PRIM1: variants seen among roughly 807,000 people sequenced by gnomAD.
PRIM1 encodes DNA primase subunit 1, also known as DNA primase small subunit.
A neutral mutation model predicts 60.2 loss-of-function variants in PRIM1; 38 were observed. That is an observed-to-expected ratio of 0.63 (90% CI 0.49 to 0.83). The LOEUF (loss-of-function observed/expected upper bound fraction) is 0.83. Among genes scored for constraint, PRIM1 ranks in the 40% least tolerant of loss-of-function variants. The pLI is 0.00. For synonymous variants in PRIM1, 158 were observed against 160.2 expected (o/e 0.99, Z 0.10); for missense variants, 388 against 506.2 (o/e 0.77, Z 2.24).
chr12:56,750,841 A>T (rs1018692050), intron 2 of PRIM1, among the ~76,000 whole-genome samples, 197 bp downstream of exon 2: 2 of 152,138 alleles, frequency 1.3e-5, no homozygotes, highest in African/African-American at 4.8e-5. Flanking sequence ...AAATGCAACC[A>T]ATTCACTCCC....
chr12:56,742,429 C>A (rs1404243254), intron 7 of PRIM1, among the ~76,000 whole-genome samples: 1 of 151,940 alleles, frequency 6.6e-6, no homozygotes, highest in Non-Finnish European at 1.5e-5. Flanking sequence ...ATTAGCTGGG[C>A]GTGGTGGCGT....
intron 8 of PRIM1, 36 bp downstream of exon 8, chr12:56,741,710 T>G: frequency 2.5e-6 from 4 of 1,593,812 alleles, no homozygotes; most frequent in Non-Finnish European, 3.4e-6. Context: ...AGAATTGCAT[T>G]ATTATATCTG....
chr12:56,751,966 GTTTTTTT>G (rs66861394), intron 1 of PRIM1, among the ~76,000 whole-genome samples: 1 of 79,348 alleles, frequency 1.3e-5, no homozygotes, highest in Non-Finnish European at 2.4e-5. Context: ...CGGCGGCTCT[GTTTTTTT>G]TTTTTTTTTT....
intron 1 of PRIM1, 55 bp from the exon 2 acceptor site, chr12:56,751,250 CATT>C (rs1953954135): frequency 2.3e-6 from 3 of 1,287,934 alleles, no homozygotes; most frequent in Non-Finnish European, 3.1e-6. Context: ...TGGCTCAGGG[CATT>C]ATAATTTTAG....
At position 56,736,133 on chromosome 12, in the gene PRIM1, A is replaced by G. The variant is rs558889600; in HGVS notation, c.1145-1888T>C. On this transcript the variant is annotated intron_variant, in intron 11 of 12. Coordinates refer to ENST00000338193, the MANE Select transcript of PRIM1 (RefSeq NM_000946.3). ...ACCAACATGGAGAAACCCTGTCTCT[A>G]GTAAAAATACAAAAATTAGCTGGAC... is the stretch of plus-strand genomic sequence containing the variant. Among the ~76,000 whole-genome samples the G allele has an allele frequency of 1.8e-3, 268 of 151,002 alleles. 1 individual carries two copies. The highest frequency in any genetic ancestry group is 6.2e-3 in the African/African-American group (256 of 41,240).
At chr12:56,733,227 A>G (rs2035082) in intron 12 of PRIM1, among the ~76,000 whole-genome samples, 91,843 of 145,136 alleles carry the variant, frequency 0.63, 28,821 homozygotes, top group South Asian at 0.75. Flanking sequence ...GCACAATTTC[A>G]GCTCACTGCA....
intron 2 of PRIM1, among the ~76,000 whole-genome samples, chr12:56,750,782 G>A (rs909479554): frequency 3.3e-5 from 5 of 151,828 alleles, no homozygotes; most frequent in African/African-American, 1.2e-4. Flanking sequence ...AAATCATGTC[G>A]ACTTCCTCTT....
chr12:56,732,004 G>A (rs949888402), intron 12 of PRIM1, among the ~76,000 whole-genome samples: 6 of 152,188 alleles, frequency 3.9e-5, no homozygotes, highest in African/African-American at 1.4e-4. Context: ...ACATATGAGT[G>A]TCTACTGAGT....
Position 56,746,034 on chromosome 12 carries a change from G to C in PRIM1, c.579+11C>G. On this transcript the variant is annotated intron_variant, in intron 5 of 12. Coordinates refer to ENST00000338193, the MANE Select transcript of PRIM1 (RefSeq NM_000946.3). ...CTAAAGCAATGCAAATTAGAATTAA[G>C]AGGATCTTACCTTTACAAGGCTCAA... 2 of 1,590,624 alleles carry C rather than the reference G, an allele frequency of 1.3e-6. No individual in the cohort carries two copies. The highest frequency in any genetic ancestry group is 1.7e-6 in the Non-Finnish European group (2 of 1,172,596).
At chr12:56,736,470 C>T (rs1156594957) in intron 11 of PRIM1, among the ~76,000 whole-genome samples, 1 of 151,246 alleles carries the variant, frequency 6.6e-6, no homozygotes, top group Non-Finnish European at 1.5e-5. Context: ...TAAGAATCCT[C>T]ATAATAGTTC....
chr12:56,751,158 G>A lies in PRIM1; in HGVS notation c.141C>T (p.Phe47=), dbSNP rs545286162. The part of the protein sequence containing the change: ...KNYFQHREFS[F]TLKDDIYIRY... ...GAATGTAAATATCATCTTTCAATGT[G>A]AATGAAAATTCACGGTGTTGAAAGT... Residue 47 remains phenylalanine, a synonymous_variant, in exon 2 of 13, where the codon TTC becomes TTT. Transcript: ENST00000338193. 71 of 1,562,610 alleles carry A rather than the reference G, an allele frequency of 4.5e-5. 1 individual carries two copies. The highest frequency in any genetic ancestry group is 5.6e-5 in the Non-Finnish European group (65 of 1,152,730).
chr12:56,743,173 G>T, intron 6 of PRIM1, 77 bp from the exon 7 acceptor site: 1 of 1,387,068 alleles, frequency 7.2e-7, no homozygotes, highest in Non-Finnish European at 9.3e-7. Flanking sequence ...CTGCCATTGT[G>T]GGGAAAACTA....
At chr12:56,747,271 G>A (rs540179996) in intron 2 of PRIM1, among the ~76,000 whole-genome samples, 2 of 152,276 alleles carry the variant, frequency 1.3e-5, no homozygotes, top group African/African-American at 4.8e-5. Context: ...ATGTTTGTTG[G>A]TCAATAAGGA....
At chr12:56,750,176 C>T (rs1287484177) in intron 2 of PRIM1, among the ~76,000 whole-genome samples, 1 of 152,190 alleles carries the variant, frequency 6.6e-6, no homozygotes, top group Non-Finnish European at 1.5e-5. Flanking sequence ...ATGTTTTCAG[C>T]AGAGGAATCA....
rs2137867532 is a variant in PRIM1 at position 56,747,105 on chromosome 12, A to G, written c.262-73T>C. Reference sequence around the variant, plus strand: ...CTAAATCTGCTTATTTTCTACACATATGGAAAAAGTTGCCAAACAGAAATA... The same window carrying G: ...CTAAATCTGCTTATTTTCTACACATGTGGAAAAAGTTGCCAAACAGAAATA... On this transcript the variant is annotated intron_variant, in intron 2 of 12. Coordinates refer to ENST00000338193, the MANE Select transcript of PRIM1 (RefSeq NM_000946.3). The G allele has an allele frequency of 2.4e-6, 3 of 1,271,808 alleles. No homozygotes were observed. The East Asian group carries it at 7.4e-5, about 31-fold the overall frequency. 78.8% of individuals were successfully genotyped at this position (1,271,808 alleles called of 1,614,324 possible). A position where few individuals can be genotyped will look rare whatever the true frequency, so the allele number is the denominator to read the frequency against.
chr12:56,749,334 T>C (rs1027423223), intron 2 of PRIM1, among the ~76,000 whole-genome samples: 8 of 152,274 alleles, frequency 5.3e-5, no homozygotes, highest in Non-Finnish European at 1.0e-4. Context: ...AAAAGCCGAA[T>C]AGAAGTACTT....
intron 11 of PRIM1, among the ~76,000 whole-genome samples, chr12:56,736,661 G>A (rs1204592351): frequency 6.6e-6 from 1 of 151,912 alleles, no homozygotes; most frequent in Non-Finnish European, 1.5e-5. Flanking sequence ...GCACCACCAT[G>A]CCTGGCTAAT....
At chr12:56,738,699 A>G (rs1975875) in intron 10 of PRIM1, among the ~76,000 whole-genome samples, 174 bp from the exon 11 acceptor site, 93,917 of 151,970 alleles carry the variant, frequency 0.62, 29,454 homozygotes, top group South Asian at 0.75. Flanking sequence ...CTACAGGCAT[A>G]TGCCACCAAG....
At chr12:56,737,554 G>A (rs1953841705) in intron 11 of PRIM1, among the ~76,000 whole-genome samples, 1 of 151,708 alleles carries the variant, frequency 6.6e-6, no homozygotes, top group South Asian at 2.1e-4. Context: ...TCTCCATGTT[G>A]GTCAGGCCGG....
Sources: allele counts gnomAD v4.1 joint callset (sites outside exome capture counted in the v4.1 genomes callset), GRCh38; gene constraint gnomAD v4.1.1; transcripts MANE v1.5; gene names NCBI Gene and HGNC (gene_info 2026-07-23, HGNC 2026-07-21).